Variants in NAALADL2 observed in about 807,000 individuals in gnomAD.
The protein encoded by NAALADL2 is inactive N-acetylated-alpha-linked acidic dipeptidase-like protein 2.
NAALADL2 carries 76 observed loss-of-function variants against 87.2 expected under a neutral mutation model. The observed-to-expected ratio is 0.87, with a 90% CI of 0.72 to 1.05. The LOEUF (loss-of-function observed/expected upper bound fraction) is 1.05, where lower values mean the gene tolerates loss of function less well. Among genes scored for constraint, NAALADL2 ranks in the 50% least tolerant of loss-of-function variants. The pLI is 0.00. For synonymous variants in NAALADL2, 354 were observed against 331.0 expected (o/e 1.07, Z -0.75); for missense variants, 1,089 against 945.8 (o/e 1.15, Z -1.99).
intron 1 of NAALADL2, among the ~76,000 whole-genome samples, chr3:174,969,016 C>T (rs184004270): frequency 5.3e-5 from 8 of 152,286 alleles, no homozygotes; most frequent in Admixed American, 3.3e-4. Flanking sequence ...TTTTATGCCA[C>T]ATAAAATAGG....
At chr3:175,173,130 A>C (rs1396608438) in intron 2 of NAALADL2, among the ~76,000 whole-genome samples, 1 of 151,728 alleles carries the variant, frequency 6.6e-6, no homozygotes, top group Non-Finnish European at 1.5e-5. Context: ...GTCTCTACCC[A>C]AAACACAAAA....
chr3:175,589,872 A>G (rs1483690118), intron 10 of NAALADL2, among the ~76,000 whole-genome samples: 1 of 151,768 alleles, frequency 6.6e-6, no homozygotes. Context: ...GCATGAGAGT[A>G]CTGTTTAAAG....
intron 1 of NAALADL2, among the ~76,000 whole-genome samples, chr3:174,466,305 C>T (rs527840667): frequency 2.7e-5 from 4 of 145,538 alleles, no homozygotes; most frequent in African/African-American, 1.0e-4. Context: ...CATCAGCTAT[C>T]CTTGATGCCA....
At chr3:175,275,308 G>C (rs1753423007) in intron 4 of NAALADL2, among the ~76,000 whole-genome samples, 1 of 152,142 alleles carries the variant, frequency 6.6e-6, no homozygotes, top group South Asian at 2.1e-4. Flanking sequence ...TATTCATATA[G>C]AATAAGTGAC....
rs112089447 is a variant in NAALADL2 at position 174,611,134 on chromosome 3, G to C, written c.-115+60497G>C. On this transcript the variant is annotated intron_variant, in intron 2 of 3. Transcript: ENST00000434257. The stretch of plus-strand genomic sequence containing the variant: ...GAACAGTGAGAACACATGGACACGG[G>C]AAGGGGAACATCATACTCTGGGGAC... Among the ~76,000 whole-genome samples, 1,278 of 144,500 alleles carry C rather than the reference G, an allele frequency of 8.8e-3. 13 individuals carry two copies. Among genetic ancestry groups the C allele is most frequent in the African/African-American group, 0.032 (1,233 of 39,100 alleles). 94.8% of individuals were successfully genotyped at this position (144,500 alleles called of 152,430 possible).
chr3:174,611,955 G>A (rs911671667), intron 2 of NAALADL2, among the ~76,000 whole-genome samples: 1 of 150,676 alleles, frequency 6.6e-6, no homozygotes, highest in Non-Finnish European at 1.5e-5. Flanking sequence ...GCTCCCTTTA[G>A]CATTTTTTTG....
At chr3:175,120,220 AT>A (rs1281053039) in intron 2 of NAALADL2, among the ~76,000 whole-genome samples, 1 of 151,740 alleles carries the variant, frequency 6.6e-6, no homozygotes, top group East Asian at 1.9e-4. Flanking sequence ...CCATGTAGAC[AT>A]TTTACAACCA....
chr3:175,414,555 C>T lies in NAALADL2; in HGVS notation c.1091-32674C>T, dbSNP rs557033674. On this transcript the variant is annotated intron_variant, in intron 5 of 13. Transcript: ENST00000454872. ...AATATTCTCAAAAGCAAATGATTTT[C>T]GAAAACGTAAAGTCAAAAGTCTTCT... Among the ~76,000 whole-genome samples, 14 of 152,100 alleles carry T rather than the reference C, an allele frequency of 9.2e-5. No homozygotes were observed. In the South Asian group the frequency reaches 1.7e-3, roughly 18 times the overall value.
At chr3:175,220,578 G>A (rs1324204792) in intron 2 of NAALADL2, among the ~76,000 whole-genome samples, 2 of 151,782 alleles carry the variant, frequency 1.3e-5, no homozygotes, top group African/African-American at 4.8e-5. Flanking sequence ...GATAATTTGT[G>A]CCTTCTCCCT....
chr3:175,299,111 C>A (rs1756719884), intron 4 of NAALADL2, among the ~76,000 whole-genome samples: 1 of 152,162 alleles, frequency 6.6e-6, no homozygotes, highest in East Asian at 1.9e-4. Context: ...GGCCTCTGTT[C>A]TGTACCATTG....
chr3:175,266,436 A>G (rs1273853085), intron 4 of NAALADL2, among the ~76,000 whole-genome samples: 2 of 151,612 alleles, frequency 1.3e-5, no homozygotes, highest in African/African-American at 2.4e-5. Flanking sequence ...CCTAATATTC[A>G]TAATTAAGGA....
At chr3:175,213,000 C>T (rs2109282785) in intron 2 of NAALADL2, among the ~76,000 whole-genome samples, 1 of 152,188 alleles carries the variant, frequency 6.6e-6, no homozygotes, top group African/African-American at 2.4e-5. Context: ...AGGTGATACA[C>T]AGGACTGGCT....
Position 174,808,215 on chromosome 3 carries a change from A to C in NAALADL2, c.-9+70469A>C, listed in dbSNP as rs962965556. ...ACTATGAAGAGTTGATGCTTAGGAA[A>C]TAATAAATAAAATATGAATTCCTTT... is the stretch of plus-strand genomic sequence containing the variant. On this transcript the variant is annotated intron_variant, in intron 3 of 3. Coordinates refer to the NAALADL2 transcript ENST00000434257. Among the ~76,000 whole-genome samples the C allele has an allele frequency of 7.3e-4, 111 of 152,158 alleles. 7 individuals carry two copies. Among genetic ancestry groups the C allele is most frequent in the Admixed American group, 2.0e-4 (3 of 15,270 alleles).
At chr3:174,815,100 AG>A (rs1235942845) in intron 3 of NAALADL2, among the ~76,000 whole-genome samples, 1 of 152,126 alleles carries the variant, frequency 6.6e-6, no homozygotes, top group African/African-American at 2.4e-5. Context: ...TCCTGGTTCT[AG>A]TTTTATAGCA....
chr3:174,706,729 G>T (rs1179229048), intron 2 of NAALADL2, among the ~76,000 whole-genome samples: 1 of 152,152 alleles, frequency 6.6e-6, no homozygotes, highest in East Asian at 1.9e-4. Flanking sequence ...TACCCTAAAT[G>T]GTATTGCCTA....
At chr3:175,382,391 T>TTTAA (rs1767888374) in intron 5 of NAALADL2, among the ~76,000 whole-genome samples, 1 of 151,958 alleles carries the variant, frequency 6.6e-6, no homozygotes, top group Non-Finnish European at 1.5e-5. Flanking sequence ...ATTTGTTTTT[T>TTTAA]TAAATATGTT....
chr3:175,566,048 T>C (rs1212957771), intron 9 of NAALADL2, among the ~76,000 whole-genome samples: 1 of 152,074 alleles, frequency 6.6e-6, no homozygotes, highest in African/African-American at 2.4e-5. Context: ...CAGGCTGGTC[T>C]TGAACCCCTG....
At chr3:175,598,004 T>C (rs938733774) in intron 10 of NAALADL2, among the ~76,000 whole-genome samples, 1 of 152,040 alleles carries the variant, frequency 6.6e-6, no homozygotes, top group African/African-American at 2.4e-5. Flanking sequence ...TTTCTGGGTA[T>C]TTATATACAT....
At chr3:175,076,322 C>CT (rs57449665) in intron 1 of NAALADL2, among the ~76,000 whole-genome samples, 4,305 of 127,426 alleles carry the variant, frequency 0.034, 177 homozygotes, top group African/African-American at 0.099. Context: ...GTATTTCATG[C>CT]TTTTTTTTTT....
Sources: allele counts gnomAD v4.1 joint callset (sites outside exome capture counted in the v4.1 genomes callset), GRCh38; gene constraint gnomAD v4.1.1; transcripts MANE v1.5; gene names NCBI Gene and HGNC (gene_info 2026-07-23, HGNC 2026-07-21).